MAP3K20: variants seen among roughly 807,000 people sequenced by gnomAD.
The protein encoded by MAP3K20 is HCCS-4.
MAP3K20 carries 40 observed loss-of-function variants against 85.7 expected under a neutral mutation model. That is an observed-to-expected ratio of 0.47 (90% CI 0.36 to 0.61). MAP3K20 has a LOEUF of 0.61. Ranked by LOEUF, MAP3K20 falls within the 20% of genes least tolerant of loss-of-function variation. The pLI is 0.00. For synonymous variants in MAP3K20, 325 were observed against 327.7 expected (o/e 0.99, Z 0.09); for missense variants, 817 against 961.7 (o/e 0.85, Z 1.99).
intron 3 of MAP3K20, among the ~76,000 whole-genome samples, chr2:173,171,046 T>G (rs1049977218): frequency 3.3e-5 from 5 of 152,200 alleles, no homozygotes; most frequent in Non-Finnish European, 7.3e-5. Context: ...GAGGGACTTT[T>G]ATCCCCAATT....
At chr2:173,261,468 A>G (rs1685291047) in intron 18 of MAP3K20, among the ~76,000 whole-genome samples, 1 of 152,174 alleles carries the variant, frequency 6.6e-6, no homozygotes, top group Non-Finnish European at 1.5e-5. Flanking sequence ...TTAAATCAAC[A>G]AGATCTTCAT....
At chr2:173,265,076 T>G (rs10497398) in intron 19 of MAP3K20, among the ~76,000 whole-genome samples, 1 of 152,204 alleles carries the variant, frequency 6.6e-6, no homozygotes, top group Non-Finnish European at 1.5e-5. Context: ...TGTGATGGAC[T>G]GAAGCCTGGG....
intron 11 of MAP3K20, chr2:173,223,444 G>A (rs909211167): frequency 1.0e-6 from 1 of 985,114 alleles, no homozygotes; most frequent in African/African-American, 1.7e-5. Flanking sequence ...GCTAATGTTA[G>A]CTACTATGAA....
At chr2:173,180,478 GC>G in intron 3 of MAP3K20, among the ~76,000 whole-genome samples, 1 of 152,224 alleles carries the variant, frequency 6.6e-6, no homozygotes, top group South Asian at 2.1e-4. Flanking sequence ...TTCAAGACCA[GC>G]CTGAGCAACA....
At chr2:173,157,155 A>G (rs80194138) in intron 2 of MAP3K20, among the ~76,000 whole-genome samples, 13,120 of 152,214 alleles carry the variant, frequency 0.086, 760 homozygotes, top group Non-Finnish European at 0.13. Flanking sequence ...CTGTTCATCA[A>G]GCCATTAGGG....
intron 1 of MAP3K20, among the ~76,000 whole-genome samples, chr2:173,080,064 T>TCCAAA (rs1686972288): frequency 1.3e-5 from 2 of 152,230 alleles, no homozygotes; most frequent in Admixed American, 1.3e-4. Context: ...TACACCAGCA[T>TCCAAA]CACCACAAAC....
At chr2:173,242,699 C>CTTTTTT (rs68173816) in intron 16 of MAP3K20, among the ~76,000 whole-genome samples, 36 of 80,922 alleles carry the variant, frequency 4.4e-4, no homozygotes, top group Admixed American at 1.2e-3. Flanking sequence ...AGTAATCTTT[C>CTTTTTT]TTTTTTTTTT....
At chr2:173,261,504 G>A (rs978724037) in intron 18 of MAP3K20, among the ~76,000 whole-genome samples, 12 of 152,106 alleles carry the variant, frequency 7.9e-5, no homozygotes, top group Admixed American at 3.3e-4. Flanking sequence ...CACCTTACAA[G>A]GTACGTAGAC....
chr2:173,199,799 T>C (rs915503699), intron 8 of MAP3K20, among the ~76,000 whole-genome samples: 3 of 152,126 alleles, frequency 2.0e-5, no homozygotes, highest in African/African-American at 7.2e-5. Context: ...TTAAAGCACT[T>C]TTTAAAACAT....
At chr2:173,136,985 C>G (rs996989387) in intron 2 of MAP3K20, among the ~76,000 whole-genome samples, 4 of 152,136 alleles carry the variant, frequency 2.6e-5, no homozygotes, top group Non-Finnish European at 5.9e-5. Flanking sequence ...GATCTTTGTT[C>G]TATCCTTTTC....
In MAP3K20 at chr2:173,112,040, C is replaced by T. The variant is rs183004837; in HGVS notation, c.159+20850C>T. On this transcript the variant is annotated intron_variant, in intron 2 of 19. Transcript: ENST00000375213. ...TTTCACAATATTGATTCTACCCATC[C>T]GTGAGCATGGGATGTGTTTCCATTT... Among the ~76,000 whole-genome samples, 54 of 152,206 alleles carry T rather than the reference C, an allele frequency of 3.5e-4. No homozygotes were observed. The East Asian group carries it at 7.3e-3, about 21-fold the overall frequency.
At chr2:173,130,005 A>G (rs990685827) in intron 2 of MAP3K20, among the ~76,000 whole-genome samples, 1 of 152,202 alleles carries the variant, frequency 6.6e-6, no homozygotes, top group Non-Finnish European at 1.5e-5. Context: ...GGAACCTCTA[A>G]AATTGAGGCA....
intron 2 of MAP3K20, among the ~76,000 whole-genome samples, chr2:173,158,301 T>G (rs1462218235): frequency 6.6e-6 from 1 of 152,144 alleles, no homozygotes; most frequent in South Asian, 2.1e-4. Flanking sequence ...AAAAAATGTT[T>G]AGAAGGACCT....
intron 10 of MAP3K20, chr2:173,214,401 T>A (rs1169987481): frequency 6.6e-6 from 1 of 152,192 alleles, no homozygotes; most frequent in East Asian, 1.9e-4. Flanking sequence ...AGCCATGCAG[T>A]GTTGTGATGA....
chr2:173,139,271 A>G (rs1438559883), intron 2 of MAP3K20, among the ~76,000 whole-genome samples: 1 of 152,182 alleles, frequency 6.6e-6, no homozygotes, highest in Non-Finnish European at 1.5e-5. Context: ...TTAATTGACC[A>G]TATTTCCGAT....
At chr2:173,229,789 TC>T in intron 12 of MAP3K20, 56 bp downstream of exon 12, 1 of 1,597,142 alleles carries the variant, frequency 6.3e-7, no homozygotes, top group Admixed American at 1.7e-5. Context: ...CATAAATTTT[TC>T]CCTAAGTTTT....
intron 3 of MAP3K20, among the ~76,000 whole-genome samples, chr2:173,180,089 C>T (rs1006498253): frequency 6.6e-6 from 1 of 151,960 alleles, no homozygotes; most frequent in Non-Finnish European, 1.5e-5. Context: ...TCCCAGCAGA[C>T]TTTTTTTTAG....
intron 7 of MAP3K20, among the ~76,000 whole-genome samples, chr2:173,193,507 G>GC (rs752197487): frequency 3.3e-5 from 5 of 152,150 alleles, no homozygotes; most frequent in African/African-American, 1.2e-4. Context: ...GGTGTGAAAT[G>GC]CCCCCCTCTG....
At chr2:173,154,088 C>T (rs1003884608) in intron 2 of MAP3K20, among the ~76,000 whole-genome samples, 4 of 152,138 alleles carry the variant, frequency 2.6e-5, no homozygotes, top group Admixed American at 2.6e-4. Context: ...ATTCCATTAC[C>T]TGCCTGTTAC....
Sources: allele counts gnomAD v4.1 joint callset (sites outside exome capture counted in the v4.1 genomes callset), GRCh38; gene constraint gnomAD v4.1.1; transcripts MANE v1.5; gene names NCBI Gene and HGNC (gene_info 2026-07-23, HGNC 2026-07-21).